The following MCAT variants were observed in gnomAD, a reference collection of about 807,000 sequenced individuals.
MCAT encodes the protein malonyl-CoA-acyl carrier protein transacylase.
MCAT carries 22 observed loss-of-function variants against 22.9 expected under a neutral mutation model. That is an observed-to-expected ratio of 0.96 (90% CI 0.69 to 1.37). The LOEUF is 1.37. Among genes scored for constraint, MCAT ranks in the 40% most tolerant of loss-of-function variants. MCAT has a pLI of 0.00. For synonymous variants in MCAT, 240 were observed against 233.9 expected (o/e 1.03, Z -0.24); for missense variants, 534 against 533.6 (o/e 1.00, Z -0.01).
At chr22:43,139,224 G>A (rs964965747) in intron 2 of MCAT, among the ~76,000 whole-genome samples, 3 of 152,138 alleles carry the variant, frequency 2.0e-5, no homozygotes, top group Non-Finnish European at 4.4e-5. Context: ...TATGTAAAAT[G>A]TCAAGGGAAA....
Position 43,137,154 on chromosome 22 carries a change from C to A in MCAT, c.656G>T (p.Gly219Val). 1 of 1,614,134 alleles carries A rather than the reference C, an allele frequency of 6.2e-7. No individual in the cohort carries two copies. Among genetic ancestry groups the A allele is most frequent in the Non-Finnish European group, 8.5e-7 (1 of 1,180,040 alleles). Residue 219 changes from glycine to valine, a missense_variant, in exon 3 of 4, where the codon GGC becomes GTC. By Grantham distance (109) the Gly-to-Val change is moderately radical. Transcript: ENST00000290429. ...CACTTCACATACGGGGTTCTCTATG[C>A]CTAAAGACTTGCAGTGTTCCCGGGC... ...LEAREHCKSL[G>V]IENPVCEVSN...
intron 1 of MCAT, among the ~76,000 whole-genome samples, chr22:43,141,593 C>T (rs763722138): frequency 4.0e-5 from 6 of 151,360 alleles, no homozygotes; most frequent in Non-Finnish European, 8.8e-5. Context: ...TTTTTTGAGG[C>T]GGAGTTTTGC....
chr22:43,136,102 G>A (rs936133785), intron 3 of MCAT, among the ~76,000 whole-genome samples: 1 of 152,132 alleles, frequency 6.6e-6, no homozygotes, highest in African/African-American at 2.4e-5. Context: ...AAGTTAGCCA[G>A]GTGTGGTTGC....
intron 2 of MCAT, among the ~76,000 whole-genome samples, chr22:43,138,429 G>A (rs1930681677): frequency 1.3e-5 from 2 of 152,150 alleles, no homozygotes; most frequent in South Asian, 4.1e-4. Context: ...GGCAGGCAGT[G>A]CCAATGATAA....
intron 1 of MCAT, among the ~76,000 whole-genome samples, chr22:43,142,167 C>A (rs57754951): frequency 6.6e-6 from 1 of 152,202 alleles, no homozygotes; most frequent in Admixed American, 6.5e-5. Flanking sequence ...CATTTACCGT[C>A]TTATTAAATA....
In MCAT at chr22:43,133,265, G is replaced by A. The variant is rs778546959; in HGVS notation, c.951C>T (p.Ala317=). The part of the protein sequence containing the change: ...RHPGHIHKLL[A]QQLVSPVKWE... ...ACTTCACTGGGGAGACCAGCTGCTG[G>A]GCCAGCAGCTTGTGGATGTGCCCGG... Residue 317 remains alanine (A), a synonymous_variant, in exon 4 of 4, where the codon GCC becomes GCT. Coordinates refer to ENST00000290429, the MANE Select transcript of MCAT (RefSeq NM_173467.5). 60 of 1,614,070 alleles carry A rather than the reference G, an allele frequency of 3.7e-5. No homozygotes were observed. The highest frequency in any genetic ancestry group is 4.8e-5 in the Non-Finnish European group (57 of 1,180,042).
intron 2 of MCAT, among the ~76,000 whole-genome samples, chr22:43,139,558 G>C (rs1930712525): frequency 6.8e-6 from 1 of 147,894 alleles, no homozygotes; most frequent in South Asian, 2.1e-4. Flanking sequence ...ACACAAAAGT[G>C]TAACTATGCT....
intron 3 of MCAT, among the ~76,000 whole-genome samples, chr22:43,133,850 G>A (rs2002441): frequency 0.013 from 2,009 of 149,426 alleles, 50 homozygotes; most frequent in African/African-American, 0.048. Context: ...CTGTGGCCCA[G>A]GCTGGAGTGC....
At position 43,142,447 on chromosome 22, in the gene MCAT, A is replaced by C. The variant is rs1314749992; in HGVS notation, c.423+479T>G. ...GGTTGCAGTGAGCCAAGACTGCGCC[A>C]TTGCACTCCAGCCTGGGTGACAGAG... On this transcript the variant is annotated intron_variant, in intron 1 of 3. Transcript: ENST00000290429. 1.3e-5 allele frequency among the ~76,000 whole-genome samples: 2 copies of C among 151,464 alleles called. 1 individual carries two copies. The highest frequency in any genetic ancestry group is 4.2e-4 in the South Asian group (2 of 4,804).
chr22:43,140,914 A>T (rs1398969345), intron 2 of MCAT: 8 of 506,984 alleles, frequency 1.6e-5, no homozygotes, highest in Non-Finnish European at 2.9e-5. Flanking sequence ...ATGAGTGCAC[A>T]GGATAGCGGG....
At chr22:43,140,241 A>C (rs1930731207) in intron 2 of MCAT, among the ~76,000 whole-genome samples, 1 of 152,186 alleles carries the variant, frequency 6.6e-6, no homozygotes, top group African/African-American at 2.4e-5. Flanking sequence ...GCAGTGGCAC[A>C]ATCGTGGCTC....
chr22:43,132,544 A>C lies in MCAT; in HGVS notation c.*499T>G, dbSNP rs1425273694. The C allele has an allele frequency of 6.1e-6, 1 of 164,920 alleles. No individual in the cohort carries two copies. The highest frequency in any genetic ancestry group is 1.6e-4 in the East Asian group (1 of 6,104). 10.2% of individuals were successfully genotyped at this position (164,920 alleles called of 1,614,324 possible). ...TCTGTCTCCCAGCTGTCAAGTGAGG[A>C]GGTGAACAAAACTGCCAAGGCCAAC... On this transcript the variant is annotated 3_prime_UTR_variant, in exon 4 of 4. Coordinates refer to ENST00000290429, the MANE Select transcript of MCAT (RefSeq NM_173467.5).
intron 2 of MCAT, chr22:43,140,951 T>A: frequency 1.7e-6 from 1 of 577,154 alleles, no homozygotes; most frequent in East Asian, 2.8e-5. Context: ...GCAGATTTCA[T>A]GAGATTACAA....
At chr22:43,139,580 C>T (rs886625563) in intron 2 of MCAT, among the ~76,000 whole-genome samples, 13 of 142,220 alleles carry the variant, frequency 9.1e-5, no homozygotes, top group African/African-American at 3.1e-4. Flanking sequence ...TAATTCTGCA[C>T]TTTTTTTTTT....
chr22:43,141,926 C>T (rs1476810530), intron 1 of MCAT, among the ~76,000 whole-genome samples: 2 of 152,170 alleles, frequency 1.3e-5, no homozygotes, highest in East Asian at 3.8e-4. Context: ...CAGGGCCTAC[C>T]CCAAAGGGCG....
At chr22:43,135,521 A>C (rs938724873) in intron 3 of MCAT, among the ~76,000 whole-genome samples, 22 of 150,892 alleles carry the variant, frequency 1.5e-4, no homozygotes, top group African/African-American at 4.2e-4. Context: ...AAAAAAAAAA[A>C]AAAAAAAAAT....
At chr22:43,134,361 T>C (rs1283145375) in intron 3 of MCAT, among the ~76,000 whole-genome samples, 2 of 152,108 alleles carry the variant, frequency 1.3e-5, no homozygotes, top group East Asian at 3.9e-4. Context: ...TCTTTATTAT[T>C]TTTTGAGATG....
At position 43,137,312 on chromosome 22, in the gene MCAT, A is replaced by C. The variant is rs1424620225; in HGVS notation, c.512-14T>G. ...CTGCATACAAACCTGGCCAGAGAGA[A>C]GCGCATTTGGAAAAATGAGGGCACA... On this transcript the variant is annotated splice_polypyrimidine_tract_variant and intron_variant, in intron 2 of 3. Transcript: ENST00000290429. The C allele has an allele frequency of 6.2e-7, 1 of 1,608,816 alleles. No homozygotes were observed. The highest frequency in any genetic ancestry group is 1.3e-5 in the African/African-American group (1 of 74,862).
At chr22:43,139,421 G>A (rs878415) in intron 2 of MCAT, among the ~76,000 whole-genome samples, 1 of 152,046 alleles carries the variant, frequency 6.6e-6, no homozygotes, top group Non-Finnish European at 1.5e-5. Context: ...AGTTAGTCTG[G>A]AGACTGAAGC....
Sources: allele counts gnomAD v4.1 joint callset (sites outside exome capture counted in the v4.1 genomes callset), GRCh38; gene constraint gnomAD v4.1.1; transcripts MANE v1.5; gene names NCBI Gene and HGNC (gene_info 2026-07-23, HGNC 2026-07-21).